The following MAST4 variants were observed in gnomAD, a reference collection of about 807,000 sequenced individuals.
The protein encoded by MAST4 is microtubule associated serine/threonine kinase family member 4.
In MAST4, 89 loss-of-function variants were observed where a neutral mutation model predicts 162.7. The ratio of observed to expected loss-of-function variants is 0.55; its 90% CI spans 0.46 to 0.65. MAST4 has a LOEUF of 0.65. MAST4 is among the 30% of genes least tolerant of loss of function. MAST4 has a pLI of 0.00. For synonymous variants in MAST4, 1,479 were observed against 1,361.1 expected (o/e 1.09, Z -1.91); for missense variants, 3,153 against 3,374.0 (o/e 0.93, Z 1.62).
At chr5:66,608,354 C>CTTTTTTT (rs1458041916) in intron 1 of MAST4, among the ~76,000 whole-genome samples, 1 of 89,452 alleles carries the variant, frequency 1.1e-5, no homozygotes. Context: ...CTGTGCCTGG[C>CTTTTTTT]CTTTTTTTTT....
intron 4 of MAST4, among the ~76,000 whole-genome samples, chr5:66,957,219 G>A (rs903269465): frequency 6.6e-6 from 1 of 152,054 alleles, no homozygotes; most frequent in Non-Finnish European, 1.5e-5. Flanking sequence ...TTTGTTATAG[G>A]GTGGTAACTG....
chr5:67,055,662 C>A (rs1005652671), intron 5 of MAST4, among the ~76,000 whole-genome samples: 1 of 152,150 alleles, frequency 6.6e-6, no homozygotes. Context: ...TGTAAAATGA[C>A]CACTAACATC....
intron 1 of MAST4, among the ~76,000 whole-genome samples, chr5:66,746,244 G>A (rs928468483): frequency 6.6e-6 from 1 of 152,186 alleles, no homozygotes; most frequent in Non-Finnish European, 1.5e-5. Context: ...CATTTGGATT[G>A]GTTGACACCA....
chr5:67,116,809 C>A (rs927779060), intron 12 of MAST4, among the ~76,000 whole-genome samples: 2 of 152,028 alleles, frequency 1.3e-5, no homozygotes, highest in African/African-American at 4.8e-5. Flanking sequence ...GAACAAGACT[C>A]CATCTCAAGA....
At position 67,136,536 on chromosome 5, in the gene MAST4, G is replaced by A. The variant is rs554514278; in HGVS notation, c.2393-27G>A. The A allele has an allele frequency of 2.6e-6, 4 of 1,536,862 alleles. No homozygotes were observed. The South Asian group carries it at 3.6e-5, about 14-fold the overall frequency. On this transcript the variant is annotated intron_variant, in intron 18 of 28. Transcript: ENST00000403625. ...CCTGGACCCTCTTGTGAACAATATG[G>A]TTATAAACAACTTTTCTTCCTTCTA...
intron 4 of MAST4, among the ~76,000 whole-genome samples, chr5:67,019,587 A>G (rs1183465936): frequency 6.6e-6 from 1 of 152,246 alleles, no homozygotes; most frequent in Non-Finnish European, 1.5e-5. Context: ...CATCTGCTCC[A>G]CATCTTCCTT....
chr5:66,780,511 C>T (rs894980149), intron 2 of MAST4, among the ~76,000 whole-genome samples: 4 of 152,126 alleles, frequency 2.6e-5, no homozygotes, highest in East Asian at 1.9e-4. Flanking sequence ...TGCGGACCTT[C>T]GTGGCGAGTG....
At chr5:66,845,199 G>A (rs1269253678) in intron 3 of MAST4, among the ~76,000 whole-genome samples, 7 of 141,118 alleles carry the variant, frequency 5.0e-5, no homozygotes, top group African/African-American at 5.2e-5. Context: ...TACATGTGCC[G>A]TGTTGGTTTG....
At chr5:67,049,020 T>TGTGTATATATATAC (rs1757744554) in intron 4 of MAST4, among the ~76,000 whole-genome samples, 1 of 102,924 alleles carries the variant, frequency 9.7e-6, no homozygotes, top group Non-Finnish European at 2.0e-5. Flanking sequence ...TATATATATA[T>TGTGTATATATATAC]ACGTATATAT....
chr5:67,075,584 C>T (rs565433619), intron 5 of MAST4, among the ~76,000 whole-genome samples: 2 of 151,926 alleles, frequency 1.3e-5, no homozygotes, highest in Non-Finnish European at 2.9e-5. Flanking sequence ...AGTTTGTCAT[C>T]TTTATCTTTT....
At chr5:67,080,037 G>C (rs767680269) in intron 5 of MAST4, among the ~76,000 whole-genome samples, 27 of 152,296 alleles carry the variant, frequency 1.8e-4, no homozygotes, top group Non-Finnish European at 2.5e-4. Context: ...CTGACCTGAC[G>C]TACAAAATAA....
intron 10 of MAST4, among the ~76,000 whole-genome samples, chr5:67,108,165 TTAATC>T (rs1352418985): frequency 4.6e-5 from 7 of 152,376 alleles, no homozygotes; most frequent in African/African-American, 7.2e-5. Context: ...TGAAATCTAT[TTAATC>T]TAAACTGACT....
chr5:66,853,768 A>AT (rs1179411026), intron 3 of MAST4, among the ~76,000 whole-genome samples: 1 of 152,216 alleles, frequency 6.6e-6, no homozygotes, highest in African/African-American at 2.4e-5. Flanking sequence ...TCCTGCAAGG[A>AT]TTTTTTGTGG....
intron 12 of MAST4, among the ~76,000 whole-genome samples, chr5:67,117,713 AT>A (rs1342874615): frequency 6.6e-6 from 1 of 152,104 alleles, no homozygotes; most frequent in Non-Finnish European, 1.5e-5. Context: ...CCTATCATAG[AT>A]TTAGAGAAAA....
chr5:66,709,058 A>G (rs1750327612), intron 1 of MAST4, among the ~76,000 whole-genome samples: 1 of 152,152 alleles, frequency 6.6e-6, no homozygotes, highest in Non-Finnish European at 1.5e-5. Context: ...CTTTATTCCA[A>G]AGGCACCTGA....
intron 1 of MAST4, among the ~76,000 whole-genome samples, chr5:66,719,579 A>C (rs1561284645): frequency 6.6e-6 from 1 of 151,918 alleles, no homozygotes; most frequent in Non-Finnish European, 1.5e-5. Flanking sequence ...AAGTTCTGGG[A>C]TACATGTGCT....
Position 67,104,568 on chromosome 5 carries a change from T to C in MAST4, c.1349T>C (p.Leu450Pro). The C allele has an allele frequency of 6.2e-7, 1 of 1,612,492 alleles. No individual in the cohort carries two copies. Among genetic ancestry groups the C allele is most frequent in the Non-Finnish European group, 8.5e-7 (1 of 1,179,012 alleles). ...TTACAGCACAAATTAGATAAGTTGC[T>C]ACAGGAGGTAAGAACCATGTACCAT... ...LELQHKLDKL[L>P]QEAHDRSESG... The change falls in exon 10 of 29, where the codon CTA becomes CCA. Residue 450 changes from leucine (L) to proline (P), a missense_variant. This residue lies in a region of MAST4 where 360 missense variants were observed against 450.0 expected (regional missense o/e 0.80). Coordinates refer to ENST00000403625, the MANE Select transcript of MAST4 (RefSeq NM_001164664.2).
intron 5 of MAST4, among the ~76,000 whole-genome samples, chr5:67,074,506 C>A (rs1465120564): frequency 1.3e-5 from 2 of 152,030 alleles, no homozygotes; most frequent in African/African-American, 4.8e-5. Context: ...TTAATTGCAG[C>A]ATTAATTTGT....
intron 2 of MAST4, among the ~76,000 whole-genome samples, chr5:66,769,744 A>G (rs1267528369): frequency 6.6e-6 from 1 of 152,220 alleles, no homozygotes; most frequent in Non-Finnish European, 1.5e-5. Context: ...TGACCAAGAC[A>G]TTATTATGCG....
Sources: gnomAD v4.1 joint callset for allele counts (sites outside exome capture counted in the v4.1 genomes callset) on GRCh38, gnomAD v4.1.1 for gene constraint, gnomAD v4.1.1 regional missense constraint, MANE v1.5 for transcripts, NCBI Gene and HGNC (gene_info 2026-07-23, HGNC 2026-07-21) for gene names.